Variants in TMEM169 observed in about 807,000 individuals in gnomAD.
The protein encoded by TMEM169 is transmembrane protein 169.
Under a neutral mutation model 27.3 loss-of-function variants are expected in TMEM169, and 18 were observed. That is an observed-to-expected ratio of 0.66 (90% CI 0.46 to 0.98). The LOEUF (loss-of-function observed/expected upper bound fraction) is 0.98, where lower values mean the gene tolerates loss of function less well. Among genes scored for constraint, TMEM169 ranks in the 50% least tolerant of loss-of-function variants. TMEM169 has a pLI of 0.00. For missense variants in TMEM169, 320 were observed against 368.6 expected, an observed-to-expected ratio of 0.87 and a Z score of 1.08; for synonymous variants, 136 against 142.1, an observed-to-expected ratio of 0.96 and a Z score of 0.30.
Position 216,100,024 on chromosome 2 carries a change from GAGAA to G in TMEM169, c.380_383del (p.Lys127SerfsTer5). 4 of 1,614,184 alleles carry G rather than the reference GAGAA, an allele frequency of 2.5e-6. No homozygotes were observed. Among genetic ancestry groups the G allele is most frequent in the Non-Finnish European group, 3.4e-6 (4 of 1,180,036 alleles). The stretch of plus-strand genomic sequence containing the variant: ...GGTGGACATCCATGTCACATTGACA[GAGAA>G]AGAGCTGCAGGAACTGACCAAACCT... On this transcript the variant is annotated frameshift_variant, in exon 3 of 3. Transcript: ENST00000437356. LOFTEE classifies it high-confidence loss of function.
chr2:216,083,939 A>T (rs1227590248), intron 1 of TMEM169, among the ~76,000 whole-genome samples: 1 of 152,102 alleles, frequency 6.6e-6, no homozygotes, highest in African/African-American at 2.4e-5. Context: ...TTTGTTTTGA[A>T]ATTTTAGTTC....
At chr2:216,086,086 G>T (rs1695989925) in intron 1 of TMEM169, among the ~76,000 whole-genome samples, 1 of 151,134 alleles carries the variant, frequency 6.6e-6, no homozygotes, top group Non-Finnish European at 1.5e-5. Context: ...TTTTTCTGAG[G>T]CAGAGTCTCA....
At chr2:216,089,031 A>T (rs12469109) in intron 1 of TMEM169, among the ~76,000 whole-genome samples, 15,491 of 152,232 alleles carry the variant, frequency 0.1, 2,599 homozygotes, top group African/African-American at 0.35. Context: ...TTTTAACAAG[A>T]GGAACAGAGT....
intron 1 of TMEM169, among the ~76,000 whole-genome samples, chr2:216,093,547 G>A (rs905300487): frequency 6.6e-6 from 1 of 152,100 alleles, no homozygotes; most frequent in Non-Finnish European, 1.5e-5. Context: ...TTCATCCTGT[G>A]GATCCTACCA....
chr2:216,092,140 T>C (rs558413937), intron 1 of TMEM169, among the ~76,000 whole-genome samples: 1 of 152,340 alleles, frequency 6.6e-6, no homozygotes, highest in East Asian at 1.9e-4. Context: ...ATCTCTCTTT[T>C]TGCCTCTGAT....
chr2:216,098,714 T>G (rs911129482), intron 2 of TMEM169, among the ~76,000 whole-genome samples: 3 of 149,626 alleles, frequency 2.0e-5, no homozygotes, highest in Admixed American at 2.0e-4. Context: ...TGTGGGTGCG[T>G]TGTGTGTGTG....
At position 216,096,018 on chromosome 2, in the gene TMEM169, G is replaced by A. The variant is rs1173145003; in HGVS notation, c.55G>A (p.Gly19Ser). 1.9e-6 allele frequency: 3 copies of A among 1,614,196 alleles called. No individual in the cohort carries two copies. The South Asian group carries it at 3.3e-5, about 18-fold the overall frequency. Reference sequence around the variant, plus strand: ...GGTCCAGCTTCCAAGCCCCCACCAGGGCTCTCTCAGGAAGGCTGTGGCTGC... The same window carrying A: ...GGTCCAGCTTCCAAGCCCCCACCAGAGCTCTCTCAGGAAGGCTGTGGCTGC... ...GQVQLPSPHQ[G>S]SLRKAVAAAL... The change falls in exon 2 of 3, where the codon GGC becomes AGC. Residue 19 changes from glycine (G) to serine (S), a missense_variant. Transcript: ENST00000437356.
chr2:216,087,157 A>C (rs1343679959), intron 1 of TMEM169, among the ~76,000 whole-genome samples: 4 of 131,510 alleles, frequency 3.0e-5, no homozygotes, highest in Non-Finnish European at 6.5e-5. Flanking sequence ...TGTGTTGAGT[A>C]GTCACGTTGC....
chr2:216,083,453 C>T (rs571539671), intron 1 of TMEM169, among the ~76,000 whole-genome samples: 2 of 152,208 alleles, frequency 1.3e-5, no homozygotes, highest in East Asian at 3.9e-4. Context: ...GGTGGGGACA[C>T]TTTAAATTCT....
intron 1 of TMEM169, among the ~76,000 whole-genome samples, chr2:216,087,325 G>C (rs1380868550): frequency 1.3e-5 from 2 of 152,108 alleles, no homozygotes; most frequent in Admixed American, 6.5e-5. Flanking sequence ...CATTAATATG[G>C]TAAAAAATGG....
chr2:216,091,061 C>G (rs1696108562), intron 1 of TMEM169, among the ~76,000 whole-genome samples: 1 of 152,230 alleles, frequency 6.6e-6, no homozygotes, highest in African/African-American at 2.4e-5. Flanking sequence ...GTCAGCCAAA[C>G]AGGGACAGAG....
intron 1 of TMEM169, among the ~76,000 whole-genome samples, chr2:216,085,658 G>A (rs1415443825): frequency 2.0e-5 from 3 of 152,152 alleles, no homozygotes; most frequent in Non-Finnish European, 1.5e-5. Flanking sequence ...ATCACCTGAG[G>A]TTGGGAGTTC....
chr2:216,083,478 T>A (rs1241545371), intron 1 of TMEM169, among the ~76,000 whole-genome samples: 1 of 152,188 alleles, frequency 6.6e-6, no homozygotes, highest in East Asian at 1.9e-4. Flanking sequence ...AATGATAACT[T>A]TATTGAAGAT....
rs1339284121 is a variant in TMEM169, at chr2:216,098,934, G to A, written c.272-986G>A. Among the ~76,000 whole-genome samples the A allele has an allele frequency of 2.0e-5, 3 of 151,844 alleles. No individual in the cohort carries two copies. The East Asian group carries it at 5.8e-4, about 29-fold the overall frequency. ...TGTGGTATGTATGGGTATGTGGTGT[G>A]TGTGTAGAATGTGTATATATGTGGT... On this transcript the variant is annotated intron_variant, in intron 2 of 2. Coordinates refer to ENST00000437356, the MANE Select transcript of TMEM169 (RefSeq NM_001142311.2).
intron 1 of TMEM169, among the ~76,000 whole-genome samples, chr2:216,084,812 T>C (rs867958319): frequency 1.3e-5 from 2 of 152,116 alleles, no homozygotes; most frequent in Non-Finnish European, 2.9e-5. Flanking sequence ...TGGAAGCATT[T>C]GGTGCTCTTG....
rs1046541480 is a variant in TMEM169 at position 216,102,062 on chromosome 2, T to C, written c.*1520T>C. On this transcript the variant is annotated 3_prime_UTR_variant, in exon 3 of 3. Coordinates refer to ENST00000437356, the MANE Select transcript of TMEM169 (RefSeq NM_001142311.2). ...ATAGTGGACAGGAGAGTACAATTTA[T>C]AATAGTAGCATAACTCTTTGTCCTG... is the stretch of plus-strand genomic sequence containing the variant. The C allele has an allele frequency of 6.6e-6, 1 of 152,182 alleles. No individual in the cohort carries two copies. The highest frequency in any genetic ancestry group is 2.4e-5 in the African/African-American group (1 of 41,436). 9.4% of individuals were successfully genotyped at this position (152,182 alleles called of 1,614,324 possible). A position where few individuals can be genotyped will look rare whatever the true frequency, so the allele number is the denominator to read the frequency against.
chr2:216,091,885 G>T (rs538618584), intron 1 of TMEM169, among the ~76,000 whole-genome samples: 1 of 152,294 alleles, frequency 6.6e-6, no homozygotes, highest in African/African-American at 2.4e-5. Flanking sequence ...TCCTAAGTTT[G>T]TGGGAATGTT....
chr2:216,082,041 CAA>C (rs386392588), intron 1 of TMEM169, 62 bp downstream of exon 1: 1,907 of 246,082 alleles, frequency 7.7e-3, no homozygotes, highest in South Asian at 0.017. Flanking sequence ...AAGGGAAATG[CAA>C]AAAAAAAAAA....
chr2:216,093,125 A>AGTGTGTGT (rs60241289), intron 1 of TMEM169, among the ~76,000 whole-genome samples: 3,013 of 145,860 alleles, frequency 0.021, 51 homozygotes, highest in African/African-American at 0.042. Flanking sequence ...GTAATAATGA[A>AGTGTGTGT]GTGTGTGTGT....
Sources: allele counts gnomAD v4.1 joint callset (sites outside exome capture counted in the v4.1 genomes callset), GRCh38; gene constraint gnomAD v4.1.1; transcripts MANE v1.5; gene names NCBI Gene and HGNC (gene_info 2026-07-23, HGNC 2026-07-21).